HTT: variants seen among roughly 807,000 people sequenced by gnomAD.
The protein encoded by HTT is huntingtin, also known as huntington disease protein.
Under a neutral mutation model 362.3 loss-of-function variants are expected in HTT, and 104 were observed. The observed-to-expected ratio is 0.29, with a 90% CI of 0.24 to 0.34. The LOEUF (loss-of-function observed/expected upper bound fraction) is 0.34. Among genes scored for constraint, HTT ranks in the 10% least tolerant of loss-of-function variants. The probability of loss-of-function intolerance (pLI) is 1.00; values close to 1 mark genes in which losing one functional copy is unlikely to be tolerated. For synonymous variants in HTT, 1,577 were observed against 1,548.7 expected (o/e 1.02, Z -0.43); for missense variants, 3,301 against 3,928.6 (o/e 0.84, Z 4.27).
intron 50 of HTT, 38 bp downstream of exon 50, chr4:3,214,173 G>T: frequency 7.2e-7 from 1 of 1,386,118 alleles, no homozygotes; most frequent in Non-Finnish European, 9.5e-7. Context: ...TCCTATCATA[G>T]TTCCTGTCTG....
chr4:3,180,488 GA>G, intron 35 of HTT, 26 bp from the exon 36 acceptor site: 1 of 1,533,892 alleles, frequency 6.5e-7, no homozygotes, highest in Admixed American at 2.2e-5. Flanking sequence ...TGAAATGCCT[GA>G]TAAGGGTACC....
At chr4:3,154,936 A>G (rs1717068882) in intron 27 of HTT, among the ~76,000 whole-genome samples, 1 of 152,194 alleles carries the variant, frequency 6.6e-6, no homozygotes, top group African/African-American at 2.4e-5. Context: ...TTTACCCATG[A>G]AAAGGTCAGA....
chr4:3,185,863 G>T lies in HTT; in HGVS notation c.4867-734G>T, dbSNP rs183239925. Among the ~76,000 whole-genome samples the T allele has an allele frequency of 1.7e-3, 254 of 152,214 alleles. 2 individuals are homozygous for T. The highest frequency in any genetic ancestry group is 3.0e-3 in the Admixed American group (46 of 15,286). ...CATTCGTGCGCCACTGCACTCCTGGGGCACAGAGTGAGACTCTGTTAGAAA... is the reference window on the plus strand; with the variant it reads ...CATTCGTGCGCCACTGCACTCCTGGTGCACAGAGTGAGACTCTGTTAGAAA... On this transcript the variant is annotated intron_variant, in intron 37 of 66. Coordinates refer to ENST00000355072, the MANE Select transcript of HTT (RefSeq NM_001388492.1).
At chr4:3,147,959 C>T in intron 25 of HTT, 46 bp from the exon 26 acceptor site, 4 of 1,473,744 alleles carry the variant, frequency 2.7e-6, no homozygotes, top group Non-Finnish European at 2.8e-6. Context: ...ATTTGTCCTT[C>T]CCATGCTATT....
rs59648129 is a variant in HTT at position 3,133,524 on chromosome 4, T to TA, written c.2493+632dup. Among the ~76,000 whole-genome samples the TA allele has an allele frequency of 4.6e-3, 583 of 125,484 alleles. 4 individuals carry two copies. The highest frequency in any genetic ancestry group is 0.014 in the African/African-American group (448 of 33,156). 82.3% of individuals were successfully genotyped at this position (125,484 alleles called of 152,430 possible). Reference sequence around the variant, plus strand: ...TAATAGTAATAATAATCAGTTGAATTAAAAAAAAAAAAAAAAAAACCACTG... The same window carrying TA: ...TAATAGTAATAATAATCAGTTGAATTAAAAAAAAAAAAAAAAAAAACCACTG... On this transcript the variant is annotated intron_variant, in intron 18 of 66. Coordinates refer to ENST00000355072, the MANE Select transcript of HTT (RefSeq NM_001388492.1).
At chr4:3,092,634 G>C (rs1041597713) in intron 2 of HTT, among the ~76,000 whole-genome samples, 1 of 152,052 alleles carries the variant, frequency 6.6e-6, no homozygotes, top group African/African-American at 2.4e-5. Flanking sequence ...CTCCCACCTT[G>C]GCCTCCCAAA....
intron 21 of HTT, 108 bp from the exon 22 acceptor site, chr4:3,140,402 C>G (rs1027397349): frequency 6.9e-6 from 6 of 873,798 alleles, no homozygotes; most frequent in Non-Finnish European, 7.1e-6. Flanking sequence ...AAGTGGTGTC[C>G]GCTGGTAACC....
At chr4:3,195,956 G>A (rs1466172291) in intron 40 of HTT, among the ~76,000 whole-genome samples, 1 of 152,124 alleles carries the variant, frequency 6.6e-6, no homozygotes, top group East Asian at 1.9e-4. Flanking sequence ...CTGTAAAAGG[G>A]GACTGAGAGA....
chr4:3,181,507 T>C (rs1718525215), intron 36 of HTT, among the ~76,000 whole-genome samples: 1 of 152,304 alleles, frequency 6.6e-6, no homozygotes, highest in South Asian at 2.1e-4. Flanking sequence ...ATCTCTCTTT[T>C]TAAATGACTT....
At chr4:3,140,933 CACTT>C (rs72239206) in intron 22 of HTT, among the ~76,000 whole-genome samples, 8,840 of 152,260 alleles carry the variant, frequency 0.058, 383 homozygotes, top group Admixed American at 0.12. Context: ...TTGTTTGTGA[CACTT>C]ACGTATTATC....
intron 40 of HTT, among the ~76,000 whole-genome samples, chr4:3,199,312 C>T (rs188959216): frequency 4.3e-4 from 66 of 152,246 alleles, no homozygotes; most frequent in Middle Eastern, 3.4e-3. Flanking sequence ...GAGGCTGAGG[C>T]GGGTGGATCA....
Position 3,157,109 on chromosome 4 carries a change from A to G in HTT, c.3663A>G (p.Thr1221=), listed in dbSNP as rs1267195458. The change falls in exon 28 of 67, where the codon ACA becomes ACG. Residue 1221 remains threonine (T), a synonymous_variant. Transcript: ENST00000355072. ...CTGATACCTCAGGTCCTGTTACAAC[A>G]AGTAAATCCTCATCACTGGGGAGTT... ...RQSDTSGPVT[T]SKSSSLGSFY... The G allele has an allele frequency of 6.2e-7, 1 of 1,612,808 alleles. No individual in the cohort carries two copies. Among genetic ancestry groups the G allele is most frequent in the Non-Finnish European group, 8.5e-7 (1 of 1,179,226 alleles).
chr4:3,230,097 C>T, intron 60 of HTT, 55 bp downstream of exon 60: 1 of 1,498,030 alleles, frequency 6.7e-7, no homozygotes, highest in South Asian at 1.1e-5. Flanking sequence ...GGCCCATCTG[C>T]CTTGGGACCT....
chr4:3,155,647 T>C (rs61792535), intron 27 of HTT, among the ~76,000 whole-genome samples: 29,580 of 145,992 alleles, frequency 0.2, 4,602 homozygotes, highest in African/African-American at 0.45. Context: ...TTTGGGAGGC[T>C]GAGGTGGGCG....
chr4:3,074,916 CA>C lies in HTT; in HGVS notation c.92del (p.Gln31ArgfsTer70). The C allele has an allele frequency of 6.7e-7, 1 of 1,495,926 alleles. No homozygotes were observed. Among genetic ancestry groups the C allele is most frequent in the East Asian group, 2.7e-5 (1 of 36,754 alleles). 92.7% of individuals were successfully genotyped at this position (1,495,926 alleles called of 1,614,324 possible). ...QQQQQQQQQQ[Q>X]QQQQQQQPPP... ...GCAGCAGCAGCAGCAGCAGCAGCAGCAGCAGCAGCAGCAGCAGCAACAGCCG... is the reference window on the plus strand; with the variant it reads ...GCAGCAGCAGCAGCAGCAGCAGCAGCGCAGCAGCAGCAGCAGCAACAGCCG... On this transcript the variant is annotated frameshift_variant, in exon 1 of 67. Coordinates refer to ENST00000355072, the MANE Select transcript of HTT (RefSeq NM_001388492.1). LOFTEE classifies it high-confidence loss of function.
At chr4:3,088,172 AT>A (rs1311972881) in intron 2 of HTT, among the ~76,000 whole-genome samples, 33 of 135,870 alleles carry the variant, frequency 2.4e-4, no homozygotes, top group African/African-American at 8.9e-4. Flanking sequence ...CCTCTTGGCC[AT>A]TGCTTTTCAC....
chr4:3,087,509 C>G (rs1198786031), intron 2 of HTT, among the ~76,000 whole-genome samples: 1 of 152,182 alleles, frequency 6.6e-6, no homozygotes, highest in Non-Finnish European at 1.5e-5. Context: ...GTCAGCTTTC[C>G]TTGCTTGATC....
intron 54 of HTT, among the ~76,000 whole-genome samples, chr4:3,222,887 A>G (rs1225572102): frequency 6.6e-6 from 1 of 152,198 alleles, no homozygotes; most frequent in Non-Finnish European, 1.5e-5. Context: ...GGCTTCTTGA[A>G]GTGTTCACGT....
intron 57 of HTT, among the ~76,000 whole-genome samples, chr4:3,226,335 T>C (rs988119420): frequency 6.6e-6 from 1 of 152,138 alleles, no homozygotes; most frequent in African/African-American, 2.4e-5. Flanking sequence ...CTGGGTGTGG[T>C]GGCTAACACC....
Sources: gnomAD v4.1 joint callset for allele counts (sites outside exome capture counted in the v4.1 genomes callset) on GRCh38, gnomAD v4.1.1 for gene constraint, MANE v1.5 for transcripts, NCBI Gene and HGNC (gene_info 2026-07-23, HGNC 2026-07-21) for gene names.